Variants in PCDHA1 observed in about 807,000 individuals in gnomAD.
PCDHA1 encodes the protein protocadherin alpha 1, also known as protocadherin alpha-1.
Under a neutral mutation model 61.3 loss-of-function variants are expected in PCDHA1, and 42 were observed. That is an observed-to-expected ratio of 0.69 (90% CI 0.54 to 0.89). The LOEUF (loss-of-function observed/expected upper bound fraction) is 0.89, where lower values mean the gene tolerates loss of function less well. Ranked by LOEUF, PCDHA1 falls within the 40% of genes least tolerant of loss-of-function variation. The pLI is 0.00. For synonymous variants in PCDHA1, 610 were observed against 553.8 expected (o/e 1.10, Z -1.43); for missense variants, 1,256 against 1,235.3 (o/e 1.02, Z -0.25).
chr5:140,952,442 A>G (rs1431756877), intron 1 of PCDHA1, among the ~76,000 whole-genome samples: 1 of 152,178 alleles, frequency 6.6e-6, no homozygotes, highest in African/African-American at 2.4e-5. Context: ...CAGGCATAAT[A>G]CAGCCAGGCT....
Position 141,010,957 on chromosome 5 carries a change from C to CT in PCDHA1, c.*1021dup, listed in dbSNP as rs1342734442. The CT allele has an allele frequency of 6.5e-5, 10 of 153,858 alleles. No homozygotes were observed. Among genetic ancestry groups the CT allele is most frequent in the African/African-American group, 2.4e-4 (10 of 41,554 alleles). The allele number at this position is 153,858 out of a possible 1,614,324, so 9.5% of individuals were successfully genotyped here. A position where few individuals can be genotyped will look rare whatever the true frequency, so the allele number is the denominator to read the frequency against. On this transcript the variant is annotated 3_prime_UTR_variant, in exon 4 of 4. Coordinates refer to ENST00000504120, the MANE Select transcript of PCDHA1 (RefSeq NM_018900.4). ...ACAGCCATTTAAATGATCATTGCTG[C>CT]TACAGAAGTGCTTTAAGAGAATTGC...
intron 1 of PCDHA1, chr5:140,830,432 A>G (rs1771060362): frequency 7.4e-6 from 12 of 1,613,462 alleles, no homozygotes; most frequent in South Asian, 2.2e-5. Context: ...ACCTTGTCCT[A>G]TTATGATGGG....
chr5:140,917,585 T>C (rs1204000344), intron 1 of PCDHA1, among the ~76,000 whole-genome samples: 1 of 152,244 alleles, frequency 6.6e-6, no homozygotes, highest in Non-Finnish European at 1.5e-5. Context: ...TTTTTGTTCA[T>C]GCTGAAAGGA....
intron 1 of PCDHA1, chr5:140,882,766 G>T: frequency 1.2e-6 from 2 of 1,614,184 alleles, no homozygotes; most frequent in South Asian, 2.2e-5. Context: ...GAGTAAACTC[G>T]GCATTGACCT....
intron 1 of PCDHA1, chr5:140,857,528 G>A: frequency 6.3e-7 from 1 of 1,597,766 alleles, no homozygotes; most frequent in Non-Finnish European, 8.6e-7. Flanking sequence ...CTACTCTCTG[G>A]TGGAGCGGCG....
chr5:140,794,808 A>G lies in PCDHA1; in HGVS notation c.2394+6124A>G, dbSNP rs782400046. On this transcript the variant is annotated intron_variant, in intron 1 of 3. Coordinates refer to ENST00000504120, the MANE Select transcript of PCDHA1 (RefSeq NM_018900.4). ...TAGCCACATGATGTCGCTGTCCACC[A>G]TAGAGTGTTCTCTAGGAAGGAAAAT... is the stretch of plus-strand genomic sequence containing the variant. 69 of 784,124 alleles carry G rather than the reference A, an allele frequency of 8.8e-5. 1 individual carries two copies. The highest frequency in any genetic ancestry group is 1.7e-4 in the South Asian group (9 of 52,786). 48.6% of individuals were successfully genotyped at this position (784,124 alleles called of 1,614,324 possible).
rs148283153 is a variant in PCDHA1, at chr5:140,857,227, G to C, written c.2394+68543G>C. On this transcript the variant is annotated intron_variant, in intron 1 of 3. Transcript: ENST00000504120. ...CCTGCTCTCTGACGCCTCACGTTCCGTTCAAGCTGGTGTCCACCTACAAGA... is the reference window on the plus strand; with the variant it reads ...CCTGCTCTCTGACGCCTCACGTTCCCTTCAAGCTGGTGTCCACCTACAAGA... 3.1e-6 allele frequency: 5 copies of C among 1,598,446 alleles called. 1 individual carries two copies. Among genetic ancestry groups the C allele is most frequent in the South Asian group, 1.1e-5 (1 of 90,546 alleles).
rs2150249126 is a variant in PCDHA1, at chr5:140,835,958, C to G, written c.2394+47274C>G. 96 of 1,612,940 alleles carry G rather than the reference C, an allele frequency of 6.0e-5. 1 individual carries two copies. The highest frequency in any genetic ancestry group is 7.7e-5 in the Non-Finnish European group (91 of 1,179,702). On this transcript the variant is annotated intron_variant, in intron 1 of 3. Transcript: ENST00000504120. ...TGTACGCGCTGCAGCCGTTGGACCA[C>G]GAGGAGCTGGAGCTGTTGCAGTTCC...
At chr5:140,897,419 A>G (rs1329501260) in intron 1 of PCDHA1, among the ~76,000 whole-genome samples, 2 of 141,212 alleles carry the variant, frequency 1.4e-5, no homozygotes, top group East Asian at 4.3e-4. Flanking sequence ...ATTCCCATCT[A>G]TGAGTGAGAA....
chr5:140,850,847 G>C (rs2150500244), intron 1 of PCDHA1: 5 of 1,596,668 alleles, frequency 3.1e-6, no homozygotes, highest in Non-Finnish European at 4.3e-6. Context: ...GATCTACAGA[G>C]CGAACGGGAG....
intron 1 of PCDHA1, among the ~76,000 whole-genome samples, chr5:140,955,283 A>G (rs1255959484): frequency 6.6e-6 from 1 of 151,774 alleles, no homozygotes; most frequent in African/African-American, 2.4e-5. Context: ...CCATATTGAT[A>G]TGGTTTGGCT....
intron 1 of PCDHA1, chr5:140,859,934 A>G (rs2046100230): frequency 1.3e-5 from 2 of 152,070 alleles, no homozygotes; most frequent in Non-Finnish European, 2.9e-5. Flanking sequence ...TAAAAAACTT[A>G]GTAAAAACTC....
chr5:140,926,914 G>A (rs1563085125), intron 1 of PCDHA1: 7 of 1,565,570 alleles, frequency 4.5e-6, no homozygotes, highest in African/African-American at 1.4e-5. Context: ...TGGGGTGGCA[G>A]TTTTATGTTT....
chr5:140,968,719 G>C lies in PCDHA1; in HGVS notation c.2395-10230G>C. The C allele has an allele frequency of 1.9e-6, 3 of 1,614,148 alleles. No homozygotes were observed. Among genetic ancestry groups the C allele is most frequent in the African/African-American group, 1.3e-5 (1 of 75,038 alleles). ...GGACTACCAGGAAGATGGGAGATGA[G>C]AGTGGTAGCACTTTCAACCTGACCG... On this transcript the variant is annotated intron_variant, in intron 1 of 3. Transcript: ENST00000504120.
At position 140,869,188 on chromosome 5, in the gene PCDHA1, G is replaced by T. The variant is rs200563745; in HGVS notation, c.2394+80504G>T. 364 of 1,613,946 alleles carry T rather than the reference G, an allele frequency of 2.3e-4. 4 individuals carry two copies. In the Admixed American group the frequency reaches 5.9e-3, roughly 26 times the overall value. On this transcript the variant is annotated intron_variant, in intron 1 of 3. Coordinates refer to ENST00000504120, the MANE Select transcript of PCDHA1 (RefSeq NM_018900.4). ...CCTCGAATTCTGGGAGGTGGGGAGC[G>T]GCCAGCTCCACTACTCCGTCTCGGA...
intron 1 of PCDHA1, among the ~76,000 whole-genome samples, chr5:140,894,564 T>C (rs1554186142): frequency 6.6e-6 from 1 of 151,978 alleles, no homozygotes; most frequent in Non-Finnish European, 1.5e-5. Context: ...GAAAAAATTA[T>C]TTTCCTTTTT....
chr5:140,797,471 C>T (rs781911209), intron 1 of PCDHA1: 14 of 1,197,520 alleles, frequency 1.2e-5, no homozygotes, highest in Non-Finnish European at 1.2e-6. Context: ...TCCTACCGTG[C>T]GATTTTGAAT....
chr5:140,897,304 G>A (rs1297881439), intron 1 of PCDHA1, among the ~76,000 whole-genome samples: 1 of 150,768 alleles, frequency 6.6e-6, no homozygotes, highest in Non-Finnish European at 1.5e-5. Flanking sequence ...TTTAGCATTA[G>A]GTATATCTCC....
chr5:140,877,698 C>T, intron 1 of PCDHA1: 2 of 1,613,958 alleles, frequency 1.2e-6, no homozygotes, highest in Non-Finnish European at 1.7e-6. Context: ...TGGTGTGCTC[C>T]AGCGCCGTGG....
Sources: gnomAD v4.1 joint callset for allele counts (sites outside exome capture counted in the v4.1 genomes callset) on GRCh38, gnomAD v4.1.1 for gene constraint, MANE v1.5 for transcripts, NCBI Gene and HGNC (gene_info 2026-07-23, HGNC 2026-07-21) for gene names.